NBPF9: variants seen among roughly 807,000 people sequenced by gnomAD.
NBPF9 encodes the protein NBPF member 9, also known as NBPF family member NBPF9.
Under a neutral mutation model 97.8 loss-of-function variants are expected in NBPF9, and 91 were observed. The ratio of observed to expected loss-of-function variants is 0.93; its 90% CI spans 0.79 to 1.11. The LOEUF (loss-of-function observed/expected upper bound fraction) is 1.11, where lower values mean the gene tolerates loss of function less well. Ranked by LOEUF, NBPF9 falls within the 50% of genes least tolerant of loss-of-function variation. NBPF9 has a pLI of 0.00. For missense variants in NBPF9, 992 were observed against 939.5 expected (o/e 1.06, Z -0.73); for synonymous variants, 334 against 359.5 (o/e 0.93, Z 0.80).
At chr1:149,057,698 CAG>C (rs1478462552) in intron 27 of NBPF9, among the ~76,000 whole-genome samples, 191 bp from the exon 28 acceptor site, 11 of 35,436 alleles carry the variant, frequency 3.1e-4, no homozygotes, top group African/African-American at 7.3e-4. Context: ...AAGAGAAAGA[CAG>C]ATAGACACAC....
At chr1:149,081,289 T>C (rs2080416198) in intron 7 of NBPF9, among the ~76,000 whole-genome samples, 1 of 151,982 alleles carries the variant, frequency 6.6e-6, no homozygotes, top group African/African-American at 2.4e-5. Flanking sequence ...CCATCTACTT[T>C]TTGTATTTTT....
intron 18 of NBPF9, chr1:149,064,759 C>T (rs2078919687): frequency 1.6e-6 from 1 of 609,166 alleles, no homozygotes; most frequent in Non-Finnish European, 2.9e-6. Context: ...TTTTTTTCCC[C>T]AATAAATTGT....
At chr1:149,064,656 G>T (rs587627587) in intron 18 of NBPF9, 174 bp from the exon 19 acceptor site, 95 of 615,884 alleles carry the variant, frequency 1.5e-4, no homozygotes, top group African/African-American at 4.9e-4. Context: ...AACTGGCTTG[G>T]GTTCTTTCAT....
chr1:149,071,102 C>A, exon 16 of NBPF9: 1 of 1,606,846 alleles, frequency 6.2e-7, no homozygotes, highest in Non-Finnish European at 8.5e-7. Context: ...TCCAGTGAGT[C>A]CTCAGGGACT....
intron 5 of NBPF9, among the ~76,000 whole-genome samples, chr1:149,082,955 T>A (rs1241086790): frequency 1.3e-4 from 9 of 67,798 alleles, no homozygotes; most frequent in Admixed American, 3.4e-4. Flanking sequence ...AATTTTTCTT[T>A]TCTTTTTTTT....
rs587727387 is a variant in NBPF9 at position 149,065,709 on chromosome 1, AG to A, written c.1638-21del. 8.0e-4 allele frequency: 1,246 copies of A among 1,554,538 alleles called. 50 individuals carry two copies. The South Asian group carries it at 0.014, about 17-fold the overall frequency. On this transcript the variant is annotated intron_variant, in intron 17 of 29. Transcript: ENST00000584027. ...AGATTCCTGATGAGCCAGGCAGGAC[AG>A]GGATGATAGAAGATTTAACCAACAG...
At position 149,055,960 on chromosome 1, in the gene NBPF9, C is replaced by G. The variant is rs587674855; in HGVS notation, c.3093-61G>C. ...GAAAATCAGACACCACAGAGCCCCACTAGATTTCAGAAGTAACATAAGGAA... is the reference window on the plus strand; with the variant it reads ...GAAAATCAGACACCACAGAGCCCCAGTAGATTTCAGAAGTAACATAAGGAA... On this transcript the variant is annotated intron_variant, in intron 29 of 29. Transcript: ENST00000584027. 89 of 1,611,444 alleles carry G rather than the reference C, an allele frequency of 5.5e-5. No individual in the cohort carries two copies. The South Asian group carries it at 9.3e-4, about 17-fold the overall frequency.
At chr1:149,073,271 C>T (rs2152895621) in intron 13 of NBPF9, among the ~76,000 whole-genome samples, 1 of 143,744 alleles carries the variant, frequency 7.0e-6, no homozygotes, top group African/African-American at 2.6e-5. Context: ...ACACATAGTG[C>T]ATCTTGCGGC....
At chr1:149,089,090 G>A (rs1349949642) in intron 5 of NBPF9, among the ~76,000 whole-genome samples, 1 of 151,826 alleles carries the variant, frequency 6.6e-6, no homozygotes, top group Non-Finnish European at 1.5e-5. Flanking sequence ...CAAGTCCCAC[G>A]GCCTGTCCTC....
chr1:149,062,461 G>A (rs587641149), intron 21 of NBPF9, among the ~76,000 whole-genome samples, 196 bp from the exon 22 acceptor site: 1 of 144,646 alleles, frequency 6.9e-6, no homozygotes, highest in Admixed American at 7.2e-5. Context: ...AAGACAGGGA[G>A]AGGGAGAGAG....
chr1:149,081,628 T>A (rs1477521373), intron 7 of NBPF9, among the ~76,000 whole-genome samples: 3 of 151,082 alleles, frequency 2.0e-5, no homozygotes, highest in Non-Finnish European at 4.4e-5. Context: ...ACAGACTAGA[T>A]GTTATTTGTC....
At chr1:149,077,720 A>T (rs1302790601) in intron 10 of NBPF9, among the ~76,000 whole-genome samples, 163 bp downstream of exon 10, 4 of 152,070 alleles carry the variant, frequency 2.6e-5, no homozygotes, top group Middle Eastern at 6.8e-3. Flanking sequence ...ACATAGAGAA[A>T]CACGACAGCT....
At chr1:149,100,702 A>G (rs1456153973) in intron 3 of NBPF9, among the ~76,000 whole-genome samples, 1 of 152,206 alleles carries the variant, frequency 6.6e-6, no homozygotes, top group Non-Finnish European at 1.5e-5. Flanking sequence ...GGGAGGCTTA[A>G]GTGGGAAGAT....
exon 26 of NBPF9, chr1:149,058,991 G>T (rs1452511499): frequency 2.4e-6 from 1 of 408,466 alleles, no homozygotes; most frequent in Admixed American, 4.5e-5. Context: ...CTGTAGGGCT[G>T]GCCTAAGTCA....
At chr1:149,099,739 C>T (rs1363367477) in intron 3 of NBPF9, among the ~76,000 whole-genome samples, 6 of 152,078 alleles carry the variant, frequency 3.9e-5, no homozygotes, top group African/African-American at 1.2e-4. Flanking sequence ...AATCCCAACA[C>T]TTTGAGATGC....
At chr1:149,064,951 C>A (rs1312315574) in intron 18 of NBPF9, 129 of 533,208 alleles carry the variant, frequency 2.4e-4, no homozygotes, top group Middle Eastern at 1.0e-3. Context: ...GCTATTATGG[C>A]TTTTGTGGGT....
At chr1:149,081,988 A>G in exon 7 of NBPF9, 1 of 1,602,358 alleles carries the variant, frequency 6.2e-7, no homozygotes, top group Non-Finnish European at 8.5e-7. Context: ...TCGGTTGGCC[A>G]GGAAGCCGGC....
At chr1:149,052,382 G>A (rs2077963011), downstream of NBPF9, among the ~76,000 whole-genome samples, 1 of 151,044 alleles carries the variant, frequency 6.6e-6, no homozygotes, top group Non-Finnish European at 1.5e-5. Flanking sequence ...TTGTCACTGT[G>A]ACCGAGCACC....
At chr1:149,089,062 G>A (rs1435599621) in intron 5 of NBPF9, among the ~76,000 whole-genome samples, 4 of 151,504 alleles carry the variant, frequency 2.6e-5, no homozygotes, top group Non-Finnish European at 4.4e-5. Context: ...AATCCCTCCC[G>A]CCTTGTCTCT....
Sources: allele counts gnomAD v4.1 joint callset (sites outside exome capture counted in the v4.1 genomes callset), GRCh38; gene constraint gnomAD v4.1.1; transcripts MANE v1.5; gene names NCBI Gene and HGNC (gene_info 2026-07-23, HGNC 2026-07-21).